The following MAGI2 variants were observed in gnomAD, a reference collection of about 807,000 sequenced individuals.
The protein encoded by MAGI2 is membrane associated guanylate kinase, WW and PDZ domain containing 2.
Under a neutral mutation model 133.3 loss-of-function variants are expected in MAGI2, and 35 were observed. The observed-to-expected ratio is 0.26, with a 90% confidence interval of 0.20 to 0.35. The LOEUF is 0.35. Ranked by LOEUF, MAGI2 falls within the 10% of genes least tolerant of loss-of-function variation. The pLI is 1.00. For synonymous variants in MAGI2, 729 were observed against 710.6 expected (o/e 1.03, Z -0.41); for missense variants, 1,636 against 1,863.4 (o/e 0.88, Z 2.25).
chr7:79,071,338 A>AC (rs546011140), intron 1 of MAGI2, among the ~76,000 whole-genome samples: 342 of 151,332 alleles, frequency 2.3e-3, no homozygotes, highest in African/African-American at 7.3e-3. Context: ...CTAGAGGGGC[A>AC]CCCCCCCAGA....
rs115242676 is a variant in MAGI2, at chr7:78,889,145, T to A, written c.418+117945A>T. ...AGGGTATCAGTGGTGGAAGATCAAA[T>A]TAATAAAATGAAGCGAGAAGAGAAG... On this transcript the variant is annotated intron_variant, in intron 2 of 21. Transcript: ENST00000354212. Among the ~76,000 whole-genome samples the A allele has an allele frequency of 3.0e-3, 457 of 152,032 alleles. 3 individuals are homozygous for A. Among genetic ancestry groups the A allele is most frequent in the African/African-American group, 0.011 (437 of 41,458 alleles).
chr7:78,321,115 A>G (rs1787957260), intron 9 of MAGI2, among the ~76,000 whole-genome samples: 1 of 152,246 alleles, frequency 6.6e-6, no homozygotes, highest in South Asian at 2.1e-4. Context: ...CAAGGAAATC[A>G]GAGAGGACAC....
intron 20 of MAGI2, among the ~76,000 whole-genome samples, chr7:78,090,465 A>G (rs968001987): frequency 1.3e-5 from 2 of 151,742 alleles, no homozygotes; most frequent in African/African-American, 4.8e-5. Context: ...TCTTTGGGGG[A>G]GGTGAGGGTG....
intron 2 of MAGI2, among the ~76,000 whole-genome samples, chr7:78,845,939 A>G (rs1317227163): frequency 6.6e-6 from 1 of 151,954 alleles, no homozygotes; most frequent in Non-Finnish European, 1.5e-5. Flanking sequence ...ATGGAAAGGC[A>G]ACAAAATGTG....
intron 1 of MAGI2, among the ~76,000 whole-genome samples, chr7:79,071,785 C>G (rs1815005834): frequency 6.6e-6 from 1 of 152,090 alleles, no homozygotes. Flanking sequence ...CCTACTCAAG[C>G]CTCAGCAATG....
chr7:78,275,122 G>A (rs1048758586), intron 9 of MAGI2, among the ~76,000 whole-genome samples: 17 of 152,188 alleles, frequency 1.1e-4, no homozygotes, highest in African/African-American at 4.1e-4. Context: ...TGAAGATGGT[G>A]GGAAAAGCAC....
At chr7:78,327,577 G>A (rs1788713311) in intron 9 of MAGI2, among the ~76,000 whole-genome samples, 1 of 152,166 alleles carries the variant, frequency 6.6e-6, no homozygotes, top group Non-Finnish European at 1.5e-5. Context: ...GTTTATGGAG[G>A]CTAGGGTGAG....
At chr7:78,859,419 T>C (rs1793957848) in intron 2 of MAGI2, among the ~76,000 whole-genome samples, 1 of 150,832 alleles carries the variant, frequency 6.6e-6, no homozygotes, top group African/African-American at 2.4e-5. Flanking sequence ...TCAGGAGGTC[T>C]TTTAGGGCAG....
intron 21 of MAGI2, among the ~76,000 whole-genome samples, chr7:78,059,366 A>T (rs1419593226): frequency 1.3e-5 from 2 of 152,226 alleles, no homozygotes; most frequent in Admixed American, 6.5e-5. Context: ...TGTCAATATG[A>T]TGCTTGAGAA....
intron 2 of MAGI2, among the ~76,000 whole-genome samples, chr7:78,693,380 C>G (rs1395632182): frequency 1.3e-5 from 2 of 152,146 alleles, no homozygotes; most frequent in East Asian, 3.9e-4. Context: ...GTGTTACTTA[C>G]AGTATGCTTG....
intron 1 of MAGI2, among the ~76,000 whole-genome samples, chr7:79,391,540 C>CATATATATAT (rs1198335417): frequency 1.3e-4 from 6 of 46,694 alleles, no homozygotes; most frequent in South Asian, 8.4e-4. Context: ...TATATATAGA[C>CATATATATAT]ATATATATAT....
chr7:79,438,516 T>G (rs1055078855), intron 1 of MAGI2, among the ~76,000 whole-genome samples: 1 of 152,112 alleles, frequency 6.6e-6, no homozygotes, highest in Non-Finnish European at 1.5e-5. Context: ...TTCTCAAAGA[T>G]AGCAATTTTC....
chr7:78,044,319 TCTTTTC>T (rs1315011702), intron 21 of MAGI2, among the ~76,000 whole-genome samples: 1 of 152,190 alleles, frequency 6.6e-6, no homozygotes, highest in African/African-American at 2.4e-5. Flanking sequence ...AAGAGATCTT[TCTTTTC>T]CTCTCTCCAA....
intron 1 of MAGI2, among the ~76,000 whole-genome samples, chr7:79,199,305 AC>A (rs1392356134): frequency 1.3e-5 from 2 of 152,030 alleles, no homozygotes; most frequent in African/African-American, 4.8e-5. Context: ...AAAATGTCAA[AC>A]AAAAAAGTTG....
intron 2 of MAGI2, among the ~76,000 whole-genome samples, chr7:78,913,400 C>T (rs556898913): frequency 6.6e-6 from 1 of 152,218 alleles, no homozygotes; most frequent in South Asian, 2.1e-4. Context: ...AGTGCTATTT[C>T]CCCCTTTGCC....
In MAGI2 at chr7:78,135,024, C is replaced by G; in HGVS notation, c.3028G>C (p.Glu1010Gln). The G allele has an allele frequency of 6.2e-7, 1 of 1,613,852 alleles. No individual in the cohort carries two copies. Among genetic ancestry groups the G allele is most frequent in the Non-Finnish European group, 8.5e-7 (1 of 1,179,908 alleles). ...LSVTLRIIPQ[E>Q]ELNSPTSAPS... ...CAAGGCTGCCTCAGGCACTCACCCT[C>G]CTGAGGAATGATGCGAAGGGTGACA... Residue 1010 changes from glutamate (E) to glutamine (Q), a missense_variant, in exon 17 of 22, where the codon GAG becomes CAG. By Grantham distance (29) the Glu-to-Gln change is conservative. Coordinates refer to ENST00000354212, the MANE Select transcript of MAGI2 (RefSeq NM_012301.4).
intron 1 of MAGI2, among the ~76,000 whole-genome samples, chr7:79,010,706 T>C (rs1415228242): frequency 6.6e-6 from 1 of 152,156 alleles, no homozygotes; most frequent in Non-Finnish European, 1.5e-5. Flanking sequence ...TTGTACTTTT[T>C]CCTTCAAAAA....
At chr7:79,321,716 C>A (rs1376732068) in intron 1 of MAGI2, among the ~76,000 whole-genome samples, 1 of 152,102 alleles carries the variant, frequency 6.6e-6, no homozygotes, top group Non-Finnish European at 1.5e-5. Context: ...GAGACTAGAA[C>A]AAAGTGATAT....
intron 1 of MAGI2, among the ~76,000 whole-genome samples, chr7:79,336,561 G>A (rs897230382): frequency 6.6e-6 from 1 of 152,188 alleles, no homozygotes; most frequent in Non-Finnish European, 1.5e-5. Context: ...GATAAAATCA[G>A]GATAGAGGAA....
Sources: allele counts gnomAD v4.1 joint callset (sites outside exome capture counted in the v4.1 genomes callset), GRCh38; gene constraint gnomAD v4.1.1; transcripts MANE v1.5; gene names NCBI Gene and HGNC (gene_info 2026-07-23, HGNC 2026-07-21).